RIMS1: variants seen among roughly 807,000 people sequenced by gnomAD.
RIMS1 encodes regulating synaptic membrane exocytosis protein 1.
In RIMS1, 83 loss-of-function variants were observed where a neutral mutation model predicts 214.1. The observed-to-expected ratio is 0.39, with a 90% confidence interval of 0.32 to 0.47. The LOEUF is 0.47. RIMS1 is among the 20% of genes least tolerant of loss of function. RIMS1 has a pLI of 0.99. For missense variants in RIMS1, 2,050 were observed against 2,161.8 expected, an observed-to-expected ratio of 0.95 and a Z score of 1.03; for synonymous variants, 793 against 786.8, an observed-to-expected ratio of 1.01 and a Z score of -0.13.
chr6:72,085,947 C>T (rs1054263534), intron 2 of RIMS1, among the ~76,000 whole-genome samples: 1 of 152,100 alleles, frequency 6.6e-6, no homozygotes, highest in Non-Finnish European at 1.5e-5. Flanking sequence ...GCACATAAAG[C>T]GTGTCCCTAA....
chr6:71,899,655 A>G (rs559695461), intron 1 of RIMS1, among the ~76,000 whole-genome samples: 1 of 152,230 alleles, frequency 6.6e-6, no homozygotes, highest in East Asian at 1.9e-4. Flanking sequence ...TGATCTAGAC[A>G]TGACTTGCAT....
At chr6:72,128,427 C>T (rs1395768954) in intron 4 of RIMS1, among the ~76,000 whole-genome samples, 1 of 151,888 alleles carries the variant, frequency 6.6e-6, no homozygotes, top group Non-Finnish European at 1.5e-5. Flanking sequence ...TGTATTTGCC[C>T]CCTTTAAAAA....
chr6:72,060,130 T>TTA (rs1704001687), intron 2 of RIMS1, among the ~76,000 whole-genome samples: 1 of 150,826 alleles, frequency 6.6e-6, no homozygotes, highest in South Asian at 2.1e-4. Context: ...ATTATTATTA[T>TTA]TTATTTATTT....
chr6:72,213,315 A>G, intron 6 of RIMS1: 1 of 1,152,262 alleles, frequency 8.7e-7, no homozygotes, highest in Non-Finnish European at 1.2e-6. Context: ...TTTCCAGTCA[A>G]AATATTTCTA....
intron 4 of RIMS1, among the ~76,000 whole-genome samples, chr6:72,118,759 C>T (rs188524232): frequency 1.3e-5 from 2 of 151,638 alleles, no homozygotes; most frequent in Non-Finnish European, 3.0e-5. Flanking sequence ...AAAAGCATTT[C>T]ACAAAATCCA....
intron 8 of RIMS1, among the ~76,000 whole-genome samples, chr6:72,236,650 G>A (rs951330633): frequency 6.6e-6 from 1 of 151,980 alleles, no homozygotes; most frequent in Admixed American, 6.6e-5. Context: ...CATTATTTAT[G>A]GTGCCCTTTT....
chr6:72,074,680 A>G (rs911325124), intron 2 of RIMS1, among the ~76,000 whole-genome samples: 5 of 152,158 alleles, frequency 3.3e-5, no homozygotes, highest in South Asian at 4.1e-4. Context: ...GGGAAAAAAT[A>G]TATCATATTA....
At chr6:72,024,900 G>GTTTAT (rs1815890934) in intron 2 of RIMS1, among the ~76,000 whole-genome samples, 1 of 98,640 alleles carries the variant, frequency 1.0e-5, no homozygotes, top group African/African-American at 3.8e-5. Context: ...AAATCTGTGG[G>GTTTAT]TTTTTTTTTT....
intron 28 of RIMS1, 92 bp from the exon 29 acceptor site, chr6:72,333,508 C>A: frequency 9.5e-7 from 1 of 1,054,134 alleles, no homozygotes; most frequent in Non-Finnish European, 1.4e-6. Context: ...AAAAATGTGT[C>A]TGGATTATTT....
In RIMS1 at chr6:72,289,192, A is replaced by G. The variant is rs2092919624; in HGVS notation, c.3555-1487A>G. Reference sequence around the variant, plus strand: ...AATTGTAATATCCGTGAAATTTCTCAGTACTAAGGTGAAAACTGTATAATT... The same window carrying G: ...AATTGTAATATCCGTGAAATTTCTCGGTACTAAGGTGAAAACTGTATAATT... On this transcript the variant is annotated intron_variant, in intron 24 of 33. Coordinates refer to ENST00000521978, the MANE Select transcript of RIMS1 (RefSeq NM_014989.7). Among the ~76,000 whole-genome samples, 4 of 152,212 alleles carry G rather than the reference A, an allele frequency of 2.6e-5. No homozygotes were observed. In the South Asian group the frequency reaches 8.3e-4, roughly 32 times the overall value.
intron 1 of RIMS1, 151 bp from the exon 2 acceptor site, chr6:71,968,832 C>G: frequency 1.5e-6 from 1 of 665,430 alleles, no homozygotes; most frequent in East Asian, 2.7e-5. Context: ...GTTTCCAACT[C>G]CAAGGGCTTT....
chr6:71,911,323 G>C (rs1776844694), intron 1 of RIMS1, among the ~76,000 whole-genome samples: 1 of 152,098 alleles, frequency 6.6e-6, no homozygotes, highest in South Asian at 2.1e-4. Context: ...TGGCCCCTTG[G>C]GTAGAAGATC....
At chr6:72,246,071 T>TA (rs964958210) in intron 11 of RIMS1, among the ~76,000 whole-genome samples, 19 of 149,902 alleles carry the variant, frequency 1.3e-4, no homozygotes, top group African/African-American at 2.0e-4. Context: ...TTTATGTGAT[T>TA]AAAAAAAAAA....
chr6:72,389,842 A>G (rs1032382749), intron 29 of RIMS1, among the ~76,000 whole-genome samples: 10 of 152,192 alleles, frequency 6.6e-5, no homozygotes, highest in Non-Finnish European at 1.5e-4. Context: ...GTGCATTTCA[A>G]AGTGGCTCAA....
chr6:72,170,488 T>G lies in RIMS1; in HGVS notation c.472-9087T>G, dbSNP rs141332029. Among the ~76,000 whole-genome samples the G allele has an allele frequency of 9.8e-3, 1,495 of 152,090 alleles. 178 individuals are homozygous for G. The East Asian group carries it at 0.24, about 25-fold the overall frequency. On this transcript the variant is annotated intron_variant, in intron 4 of 33. Transcript: ENST00000521978. ...CCTCCTGAGTAGCTGGGATTACAGGTGCCCACCACCACGCCTGGCTAATTT... is the reference window on the plus strand; with the variant it reads ...CCTCCTGAGTAGCTGGGATTACAGGGGCCCACCACCACGCCTGGCTAATTT...
intron 28 of RIMS1, chr6:72,317,550 A>G (rs888093161): frequency 6.3e-6 from 1 of 159,734 alleles, no homozygotes; most frequent in African/African-American, 2.4e-5. Context: ...TAACAAATAT[A>G]GAAGTTAATA....
chr6:72,274,147 T>G lies in RIMS1; in HGVS notation c.3399-202T>G, dbSNP rs192164835. ...AATAAATTGTTTCTTTATTCACTTATAAGATTATAGGTTTTATGTTCTTAA... is the reference window on the plus strand; with the variant it reads ...AATAAATTGTTTCTTTATTCACTTAGAAGATTATAGGTTTTATGTTCTTAA... On this transcript the variant is annotated intron_variant, in intron 22 of 33. Coordinates refer to ENST00000521978, the MANE Select transcript of RIMS1 (RefSeq NM_014989.7). 2.6e-5 allele frequency among the ~76,000 whole-genome samples: 4 copies of G among 152,336 alleles called. No homozygotes were observed. The East Asian group carries it at 7.7e-4, about 29-fold the overall frequency.
chr6:72,182,838 C>G lies in RIMS1; in HGVS notation c.1367C>G (p.Pro456Arg), dbSNP rs1316820446. ...AGCCCGCCGGCGCCCAGACATGGGC[C>G]GGTTCCCGCAGAAGCCCCGGAGCTC... ...NHSPPAPRHG[P>R]VPAEAPELKA... is the part of the protein sequence containing the mutation. Residue 456 changes from proline (P) to arginine (R), a missense_variant, in exon 6 of 34, where the codon CCG becomes CGG. This residue lies in a region of RIMS1 where 882 missense variants were observed against 828.9 expected (regional missense o/e 1.06). Transcript: ENST00000521978. 3 of 1,552,500 alleles carry G rather than the reference C, an allele frequency of 1.9e-6. No homozygotes were observed. The Admixed American group carries it at 5.8e-5, about 30-fold the overall frequency.
In RIMS1 at chr6:71,886,962, T is replaced by C. The variant is rs913055348; in HGVS notation, c.-62T>C. On this transcript the variant is annotated 5_prime_UTR_variant, in exon 1 of 34. Coordinates refer to ENST00000521978, the MANE Select transcript of RIMS1 (RefSeq NM_014989.7). ...GAGGGGGAAGCAGGGGCGCAGCTGC[T>C]GGGCGTGCATCCGAAAGGTGAGAGC... 1 of 1,567,998 alleles carries C rather than the reference T, an allele frequency of 6.4e-7. No individual in the cohort carries two copies. The highest frequency in any genetic ancestry group is 8.7e-7 in the Non-Finnish European group (1 of 1,152,440).
Sources: gnomAD v4.1 joint callset for allele counts (sites outside exome capture counted in the v4.1 genomes callset) on GRCh38, gnomAD v4.1.1 for gene constraint, gnomAD v4.1.1 regional missense constraint, MANE v1.5 for transcripts, NCBI Gene and HGNC (gene_info 2026-07-23, HGNC 2026-07-21) for gene names.